Variants in PPP3CB observed in about 807,000 individuals in gnomAD.
The protein encoded by PPP3CB is serine/threonine-protein phosphatase 2B catalytic subunit beta isoform.
A neutral mutation model predicts 66.4 loss-of-function variants in PPP3CB; 8 were observed. The observed-to-expected ratio is 0.12, with a 90% confidence interval of 0.07 to 0.22. The LOEUF (loss-of-function observed/expected upper bound fraction) is 0.22, where lower values mean the gene tolerates loss of function less well. PPP3CB is among the 10% of genes least tolerant of loss of function. PPP3CB has a pLI of 1.00. For synonymous variants in PPP3CB, 208 were observed against 221.2 expected (o/e 0.94, Z 0.53); for missense variants, 319 against 642.5 (o/e 0.50, Z 5.44).
Position 73,444,756 on chromosome 10 carries a change from C to T in PPP3CB, c.1335G>A (p.Val445=). ...LTPTGMLPSG[V]LAGGRQTLQS... ...GCAGGGTCTGCCGTCCTCCAGCTAACACTCCACTAGGCAACATCCCTGTGG... is the reference window on the plus strand; with the variant it reads ...GCAGGGTCTGCCGTCCTCCAGCTAATACTCCACTAGGCAACATCCCTGTGG... The change falls in exon 12 of 14, where the codon GTG becomes GTA. Residue 445 remains valine, a synonymous_variant. Transcript: ENST00000360663. The T allele has an allele frequency of 6.2e-7, 1 of 1,614,104 alleles. No individual in the cohort carries two copies. The highest frequency in any genetic ancestry group is 2.2e-5 in the East Asian group (1 of 44,888).
chr10:73,471,290 T>G (rs2056698192), intron 5 of PPP3CB, 81 bp from the exon 6 acceptor site: 4 of 1,419,052 alleles, frequency 2.8e-6, no homozygotes, highest in East Asian at 4.6e-5. Flanking sequence ...CGATACCAAC[T>G]TTGAATACAG....
At chr10:73,482,305 A>C (rs1251221341) in intron 1 of PPP3CB, among the ~76,000 whole-genome samples, 1 of 151,700 alleles carries the variant, frequency 6.6e-6, no homozygotes, top group Non-Finnish European at 1.5e-5. Context: ...AGCACTTTGG[A>C]AGGCCAAGAC....
At chr10:73,453,961 T>A (rs749230469) in intron 10 of PPP3CB, among the ~76,000 whole-genome samples, 4 of 152,182 alleles carry the variant, frequency 2.6e-5, no homozygotes, top group Non-Finnish European at 4.4e-5. Context: ...CAAGTGGTCT[T>A]TTAGAACACA....
intron 10 of PPP3CB, chr10:73,448,779 T>C: frequency 1.9e-6 from 1 of 529,938 alleles, no homozygotes; most frequent in South Asian, 1.4e-5. Flanking sequence ...AACTTGGCAG[T>C]GGTACTGAAG....
intron 1 of PPP3CB, among the ~76,000 whole-genome samples, chr10:73,481,106 G>T (rs2132981672): frequency 6.6e-6 from 1 of 151,672 alleles, no homozygotes; most frequent in Non-Finnish European, 1.5e-5. Context: ...ATGTACATTA[G>T]GAGTCTAATA....
chr10:73,482,935 C>T (rs1589715434), intron 1 of PPP3CB, among the ~76,000 whole-genome samples: 1 of 152,038 alleles, frequency 6.6e-6, no homozygotes, highest in Non-Finnish European at 1.5e-5. Flanking sequence ...TATATACTTC[C>T]TAACAACCAA....
chr10:73,473,284 A>C (rs947618237), intron 4 of PPP3CB, among the ~76,000 whole-genome samples: 2 of 152,150 alleles, frequency 1.3e-5, no homozygotes, highest in African/African-American at 4.8e-5. Context: ...TCATGTTTTG[A>C]GTCTCAAAAC....
chr10:73,460,756 G>C (rs1043854657), intron 9 of PPP3CB, among the ~76,000 whole-genome samples: 1 of 152,252 alleles, frequency 6.6e-6, no homozygotes, highest in East Asian at 1.9e-4. Context: ...GACCAGAACA[G>C]CCTCAGGACA....
intron 3 of PPP3CB, among the ~76,000 whole-genome samples, chr10:73,478,131 T>C (rs2056820727): frequency 6.6e-6 from 1 of 152,186 alleles, no homozygotes; most frequent in Non-Finnish European, 1.5e-5. Context: ...ACAATATACT[T>C]TATTTAATCA....
intron 9 of PPP3CB, among the ~76,000 whole-genome samples, chr10:73,464,399 TA>T (rs543584284): frequency 1.4e-4 from 22 of 152,048 alleles, no homozygotes; most frequent in African/African-American, 5.3e-4. Context: ...ATAAAACACT[TA>T]AAAAAAATCT....
chr10:73,447,130 T>C (rs1488717717), intron 10 of PPP3CB, among the ~76,000 whole-genome samples: 1 of 152,206 alleles, frequency 6.6e-6, no homozygotes, highest in Non-Finnish European at 1.5e-5. Flanking sequence ...CAGGTAATCC[T>C]GAACTAAGGG....
intron 1 of PPP3CB, among the ~76,000 whole-genome samples, chr10:73,488,033 C>T (rs2057015164): frequency 6.6e-6 from 1 of 151,898 alleles, no homozygotes; most frequent in African/African-American, 2.4e-5. Context: ...CGCCCGCCTC[C>T]ACCTCCCAAA....
In PPP3CB at chr10:73,453,543, G is replaced by A. The variant is rs923953081; in HGVS notation, c.1186+869C>T. On this transcript the variant is annotated intron_variant, in intron 10 of 13. Transcript: ENST00000360663. ...CTCCCAAAGTGGTGGGATTACAGGC[G>A]TGAGCCACCACATCTAGCCAAACAT... Among the ~76,000 whole-genome samples, 14 of 152,106 alleles carry A rather than the reference G, an allele frequency of 9.2e-5. 1 individual carries two copies. The highest frequency in any genetic ancestry group is 2.1e-4 in the South Asian group (1 of 4,826).
At chr10:73,477,562 G>GA (rs2056811482) in intron 3 of PPP3CB, among the ~76,000 whole-genome samples, 2 of 151,968 alleles carry the variant, frequency 1.3e-5, no homozygotes, top group African/African-American at 2.4e-5. Flanking sequence ...ATTAAAAAAA[G>GA]AAAAAATGTA....
At chr10:73,480,173 A>C (rs1349765491) in intron 1 of PPP3CB, among the ~76,000 whole-genome samples, 1 of 152,202 alleles carries the variant, frequency 6.6e-6, no homozygotes, top group African/African-American at 2.4e-5. Flanking sequence ...TCTGAAATGC[A>C]AATTAATTTA....
intron 13 of PPP3CB, 90 bp downstream of exon 13, chr10:73,439,782 A>G: frequency 1.4e-6 from 2 of 1,422,144 alleles, no homozygotes; most frequent in Non-Finnish European, 2.0e-6. Flanking sequence ...TGGGCTGTAA[A>G]AGCTAGGAGT....
intron 9 of PPP3CB, among the ~76,000 whole-genome samples, chr10:73,455,246 T>G (rs929048021): frequency 6.6e-6 from 1 of 152,180 alleles, no homozygotes; most frequent in African/African-American, 2.4e-5. Context: ...TACTAATGAC[T>G]ATCTAACAAT....
At chr10:73,446,404 T>G in intron 11 of PPP3CB, 88 bp downstream of exon 11, 1 of 1,300,284 alleles carries the variant, frequency 7.7e-7, no homozygotes, top group South Asian at 1.2e-5. Context: ...CCGGCCCCAT[T>G]TTGCTTTTAG....
At chr10:73,475,248 T>C (rs1240603305) in intron 3 of PPP3CB, among the ~76,000 whole-genome samples, 1 of 152,210 alleles carries the variant, frequency 6.6e-6, no homozygotes, top group African/African-American at 2.4e-5. Flanking sequence ...AGAAGAGCAA[T>C]AAATATTTGT....
Sources: allele counts gnomAD v4.1 joint callset (sites outside exome capture counted in the v4.1 genomes callset), GRCh38; gene constraint gnomAD v4.1.1; transcripts MANE v1.5; gene names NCBI Gene and HGNC (gene_info 2026-07-23, HGNC 2026-07-21).